Variants in LRSAM1 observed in about 807,000 individuals in gnomAD.
LRSAM1 encodes E3 ubiquitin-protein ligase LRSAM1.
Under a neutral mutation model 118.1 loss-of-function variants are expected in LRSAM1, and 96 were observed. That is an observed-to-expected ratio of 0.81 (90% CI 0.69 to 0.96). The LOEUF (loss-of-function observed/expected upper bound fraction) is 0.96, where lower values mean the gene tolerates loss of function less well. Ranked by LOEUF, LRSAM1 falls within the 40% of genes least tolerant of loss-of-function variation. LRSAM1 has a pLI of 0.00. For missense variants in LRSAM1, 804 were observed against 915.5 expected (o/e 0.88, Z 1.57); for synonymous variants, 322 against 364.2 (o/e 0.88, Z 1.32).
At chr9:127,478,261 G>C (rs570143209) in intron 11 of LRSAM1, among the ~76,000 whole-genome samples, 1 of 152,126 alleles carries the variant, frequency 6.6e-6, no homozygotes, top group African/African-American at 2.4e-5. Context: ...CCGTTGCCTG[G>C]AGGTAGTCAT....
chr9:127,456,162 CAAAAAAAAA>C (rs34459766), intron 5 of LRSAM1, among the ~76,000 whole-genome samples: 2 of 94,776 alleles, frequency 2.1e-5, no homozygotes, highest in Non-Finnish European at 4.2e-5. Flanking sequence ...TGAGAATATG[CAAAAAAAAA>C]AAAAAAAAAA....
intron 17 of LRSAM1, 44 bp downstream of exon 17, chr9:127,485,879 C>G (rs760866621): frequency 6.3e-7 from 1 of 1,591,958 alleles, no homozygotes; most frequent in Non-Finnish European, 8.6e-7. Flanking sequence ...GCTGGGGGAG[C>G]TGGCTCAGGG....
intron 24 of LRSAM1, among the ~76,000 whole-genome samples, chr9:127,499,838 T>C (rs1836308608): frequency 6.6e-6 from 1 of 150,928 alleles, no homozygotes; most frequent in African/African-American, 2.4e-5. Flanking sequence ...GGCAGGAGAA[T>C]CACTTGAATC....
At chr9:127,451,691 G>T (rs577328150) in intron 1 of LRSAM1, 22 bp downstream of exon 1, 7 of 285,698 alleles carry the variant, frequency 2.5e-5, no homozygotes, top group Non-Finnish European at 4.8e-5. Context: ...CCCGGTCCCC[G>T]TCACCCAATC....
chr9:127,492,882 G>A lies in LRSAM1; in HGVS notation c.1584G>A (p.Glu528=). ...AAGAGAAGCAGCAGCGAGAGGAAGA[G>A]CTCCGGGAAATCCTGGTATGTGTTT... ...LLKEKQQREE[E]LREILTELEA... is the part of the protein sequence containing the mutation. The change falls in exon 21 of 26, where the codon GAG becomes GAA. Residue 528 remains glutamate, a synonymous_variant. Coordinates refer to ENST00000300417, the MANE Select transcript of LRSAM1 (RefSeq NM_001005373.4). 1.2e-6 allele frequency: 2 copies of A among 1,614,032 alleles called. No individual in the cohort carries two copies. The highest frequency in any genetic ancestry group is 1.7e-6 in the Non-Finnish European group (2 of 1,180,012).
At chr9:127,496,525 T>C (rs1368783208) in intron 23 of LRSAM1, among the ~76,000 whole-genome samples, 1 of 152,264 alleles carries the variant, frequency 6.6e-6, no homozygotes, top group Non-Finnish European at 1.5e-5. Flanking sequence ...CTCATCGCTG[T>C]GCCAGCTAAC....
rs564823725 is a variant in LRSAM1 at position 127,499,376 on chromosome 9, A to C, written c.1913-1634A>C. Among the ~76,000 whole-genome samples, 183 of 152,040 alleles carry C rather than the reference A, an allele frequency of 1.2e-3. 1 individual carries two copies. Among genetic ancestry groups the C allele is most frequent in the Non-Finnish European group, 1.3e-4 (9 of 67,986 alleles). ...AAAAGAGTGGGACTGTCTCAAAAACAAAACAAAAAAATTAAAAAAAATTAG... is the reference window on the plus strand; with the variant it reads ...AAAAGAGTGGGACTGTCTCAAAAACCAAACAAAAAAATTAAAAAAAATTAG... On this transcript the variant is annotated intron_variant, in intron 24 of 25. Transcript: ENST00000300417.
intron 18 of LRSAM1, among the ~76,000 whole-genome samples, chr9:127,488,842 C>A (rs1297704580): frequency 6.6e-6 from 1 of 152,050 alleles, no homozygotes; most frequent in African/African-American, 2.4e-5. Context: ...CCTCCTGCCT[C>A]GGCCTCCCAG....
intron 24 of LRSAM1, among the ~76,000 whole-genome samples, chr9:127,499,186 G>A (rs554785781): frequency 1.1e-4 from 16 of 152,074 alleles, no homozygotes; most frequent in Middle Eastern, 3.4e-3. Context: ...CAGCCTGGGC[G>A]ACATAGGGAG....
intron 3 of LRSAM1, 130 bp downstream of exon 3, chr9:127,454,729 T>TG (rs1014645241): frequency 2.8e-5 from 30 of 1,059,032 alleles, no homozygotes; most frequent in Admixed American, 2.2e-4. Flanking sequence ...AAGAAATATT[T>TG]GACTTAGACC....
intron 22 of LRSAM1, 68 bp downstream of exon 22, chr9:127,495,486 G>A (rs1836097400): frequency 1.5e-6 from 2 of 1,297,578 alleles, no homozygotes; most frequent in East Asian, 2.3e-5. Flanking sequence ...CGCCTGTGGT[G>A]CCTCCACCAT....
At chr9:127,484,645 C>T (rs916624756) in intron 16 of LRSAM1, among the ~76,000 whole-genome samples, 19 of 151,834 alleles carry the variant, frequency 1.3e-4, no homozygotes, top group Admixed American at 2.6e-4. Flanking sequence ...ACAGGTGAGC[C>T]GCCATGTCCA....
At position 127,482,970 on chromosome 9, in the gene LRSAM1, T is replaced by C. The variant is rs377079293; in HGVS notation, c.1109T>C (p.Met370Thr). 15 of 1,566,624 alleles carry C rather than the reference T, an allele frequency of 9.6e-6. No homozygotes were observed. The highest frequency in any genetic ancestry group is 1.2e-5 in the Non-Finnish European group (14 of 1,155,548). Residue 370 changes from methionine to threonine, a missense_variant, in exon 16 of 26, where the codon ATG (methionine) becomes ACG (threonine). Transcript: ENST00000300417. Reference protein sequence around the residue: ...ENERIRMEQLMSITQEETESL... With the variant: ...ENERIRMEQLTSITQEETESL... ...TCTAGAATAAGAATGGAACAGTTGA[T>C]GTCCATAACCCAGGAGGAGACTGAG... is the stretch of plus-strand genomic sequence containing the variant.
At chr9:127,456,234 G>GTTT (rs757438041) in intron 5 of LRSAM1, among the ~76,000 whole-genome samples, 2 of 132,292 alleles carry the variant, frequency 1.5e-5, no homozygotes, top group South Asian at 2.4e-4. Flanking sequence ...AGTTTTGTTT[G>GTTT]TTTTTTTTTT....
At chr9:127,478,996 T>G in intron 12 of LRSAM1, 33 bp downstream of exon 12, 3 of 1,597,542 alleles carry the variant, frequency 1.9e-6, no homozygotes, top group Non-Finnish European at 2.6e-6. Flanking sequence ...CTGTCACTCT[T>G]TTCTCATTAA....
intron 8 of LRSAM1, 146 bp downstream of exon 8, chr9:127,461,403 G>A (rs1195548872): frequency 4.5e-6 from 3 of 673,104 alleles, no homozygotes; most frequent in Admixed American, 4.2e-5. Context: ...GACCCCTGCT[G>A]GGTCAGCTGT....
chr9:127,456,882 A>G lies in LRSAM1; in HGVS notation c.175-434A>G, dbSNP rs535511291. 1.1e-3 allele frequency among the ~76,000 whole-genome samples: 165 copies of G among 151,784 alleles called. 2 individuals carry two copies. The highest frequency in any genetic ancestry group is 2.0e-3 in the Non-Finnish European group (139 of 67,886). ...GTTGGTCTCAAAAAAAAAAAAAAAG[A>G]AAAGGAAAAATAGCAGTAGATGACC... On this transcript the variant is annotated intron_variant, in intron 5 of 25. Transcript: ENST00000300417.
chr9:127,496,367 C>T (rs1836144938), intron 23 of LRSAM1, among the ~76,000 whole-genome samples: 1 of 152,192 alleles, frequency 6.6e-6, no homozygotes, highest in Non-Finnish European at 1.5e-5. Context: ...CAAGACAGGC[C>T]CTTGGGGCTT....
At chr9:127,463,517 CTG>C (rs1258385366) in intron 9 of LRSAM1, among the ~76,000 whole-genome samples, 1 of 152,148 alleles carries the variant, frequency 6.6e-6, no homozygotes, top group Non-Finnish European at 1.5e-5. Flanking sequence ...TCTTCCCTCC[CTG>C]TGTCTTCACC....
Sources: allele counts gnomAD v4.1 joint callset (sites outside exome capture counted in the v4.1 genomes callset), GRCh38; gene constraint gnomAD v4.1.1; transcripts MANE v1.5; gene names NCBI Gene and HGNC (gene_info 2026-07-23, HGNC 2026-07-21).